OOSP1: variants seen among roughly 807,000 people sequenced by gnomAD.
The protein encoded by OOSP1 is oocyte secreted protein 1, also known as putative oocyte-secreted protein 1 homolog.
OOSP1 carries 11 observed loss-of-function variants against 5.7 expected under a neutral mutation model. The ratio of observed to expected loss-of-function variants is 1.94; its 90% confidence interval spans 1.22 to 3.20. The LOEUF (loss-of-function observed/expected upper bound fraction) is 3.20, where lower values mean the gene tolerates loss of function less well. Among genes scored for constraint, OOSP1 ranks in the 30% most tolerant of loss-of-function variants. The pLI, the probability that OOSP1 is intolerant of heterozygous loss-of-function variation, is 0.00. For synonymous variants in OOSP1, 44 were observed against 20.0 expected, an observed-to-expected ratio of 2.20 and a Z score of -3.20; for missense variants, 83 against 54.1, an observed-to-expected ratio of 1.53 and a Z score of -1.67.
At chr11:59,957,220 G>C (rs1464320067) in exon 5 of OOSP1, 1 of 397,698 alleles carries the variant, frequency 2.5e-6, no homozygotes, top group Non-Finnish European at 4.4e-6. Context: ...GTTATTTTTA[G>C]ATATCTGCTA....
chr11:59,957,311 A>C (rs572705500), exon 5 of OOSP1: 1 of 397,578 alleles, frequency 2.5e-6, no homozygotes, highest in South Asian at 1.3e-4. Flanking sequence ...GATCTTCATC[A>C]CACCCTGCAA....
chr11:59,952,808 T>C (rs995631190), intron 4 of OOSP1, among the ~76,000 whole-genome samples: 1 of 152,174 alleles, frequency 6.6e-6, no homozygotes, highest in African/African-American at 2.4e-5. Flanking sequence ...TTCCTGTTTC[T>C]TGTCAAATTT....
rs1408932069 is a variant in OOSP1 at position 59,947,785 on chromosome 11, G to A, written c.409G>A (p.Val137Ile). 6 of 398,902 alleles carry A rather than the reference G, an allele frequency of 1.5e-5. No individual in the cohort carries two copies. The East Asian group carries it at 2.1e-4, about 14-fold the overall frequency. 24.7% of individuals were successfully genotyped at this position (398,902 alleles called of 1,614,324 possible). A position where few individuals can be genotyped will look rare whatever the true frequency, so the allele number is the denominator to read the frequency against. ...AATGAGAGATGGGGAAACTGACAAT[G>A]TTAATGAATGGGAGATAGAGGTGAG... is the stretch of plus-strand genomic sequence containing the variant. The change falls in exon 4 of 5, where the codon GTT becomes ATT. Residue 137 changes from valine to isoleucine, a missense_variant. Coordinates refer to ENST00000646685, the Ensembl canonical transcript of OOSP1.
intron 1 of OOSP1, among the ~76,000 whole-genome samples, chr11:59,941,429 G>T (rs1263108625): frequency 6.6e-6 from 1 of 151,810 alleles, no homozygotes; most frequent in African/African-American, 2.4e-5. Context: ...GCCCAGGCTG[G>T]AGTGCAGTGG....
In OOSP1 at chr11:59,946,957, AT is replaced by A. The variant is rs1565232399; in HGVS notation, c.357-775del. 7.8e-4 allele frequency among the ~76,000 whole-genome samples: 114 copies of A among 145,940 alleles called. 2 individuals are homozygous for A. The highest frequency in any genetic ancestry group is 2.4e-3 in the African/African-American group (95 of 39,582). ...TATCTATCTATCTATCTATCTATCT[AT>A]CTATCTATCTGTCTATCTACTCTGT... is the stretch of plus-strand genomic sequence containing the variant. On this transcript the variant is annotated intron_variant, in intron 3 of 4. Transcript: ENST00000646685.
At chr11:59,954,121 C>G (rs565171221) in intron 4 of OOSP1, among the ~76,000 whole-genome samples, 9 of 152,184 alleles carry the variant, frequency 5.9e-5, no homozygotes, top group African/African-American at 2.2e-4. Flanking sequence ...ATCTGTGTAT[C>G]AAAACATATG....
intron 4 of OOSP1, among the ~76,000 whole-genome samples, chr11:59,953,059 T>C (rs1209834304): frequency 6.6e-6 from 1 of 152,180 alleles, no homozygotes; most frequent in Non-Finnish European, 1.5e-5. Context: ...TTTTTACATT[T>C]TTCTGTTTTC....
chr11:59,956,324 G>T (rs1328542674), intron 4 of OOSP1, among the ~76,000 whole-genome samples: 2 of 152,026 alleles, frequency 1.3e-5, no homozygotes, highest in African/African-American at 4.8e-5. Flanking sequence ...GGGAGTCATG[G>T]CTAAGTTAAT....
chr11:59,945,107 C>T (rs1853867443), intron 2 of OOSP1, 62 bp from the exon 3 acceptor site: 1 of 695,624 alleles, frequency 1.4e-6, no homozygotes, highest in Non-Finnish European at 2.6e-6. Context: ...TATTTAAATG[C>T]CTGTAAGTTT....
Position 59,938,496 on chromosome 11 carries a change from T to C in OOSP1, c.42T>C (p.His14=). 4.7e-6 allele frequency: 3 copies of C among 632,152 alleles called. No homozygotes were observed. The South Asian group carries it at 5.5e-5, about 12-fold the overall frequency. The allele number at this position is 632,152 out of a possible 1,614,324, so 39.2% of individuals were successfully genotyped here. A position where few individuals can be genotyped will look rare whatever the true frequency, so the allele number is the denominator to read the frequency against. Residue 14 remains histidine, a synonymous_variant, in exon 1 of 5, where the codon CAT becomes CAC. Coordinates refer to ENST00000646685, the Ensembl canonical transcript of OOSP1. ...GGTTCAAAGGGCTCTTTTATCTGCA[T>C]TCCTTGATATGGACCTGCGCTGGGG...
exon 2 of OOSP1, chr11:59,943,009 A>G (rs536067985): frequency 2.8e-6 from 2 of 702,882 alleles, no homozygotes; most frequent in African/African-American, 3.5e-5. Flanking sequence ...CATCCTCATG[A>G]CTGTGGTATT....
chr11:59,948,193 A>G (rs1425510346), intron 4 of OOSP1, among the ~76,000 whole-genome samples: 1 of 152,220 alleles, frequency 6.6e-6, no homozygotes, highest in Admixed American at 6.5e-5. Flanking sequence ...ATAAATGAGT[A>G]TTAACACTGA....
intron 4 of OOSP1, among the ~76,000 whole-genome samples, chr11:59,952,403 G>A (rs1008248525): frequency 4.9e-5 from 7 of 143,528 alleles, no homozygotes; most frequent in African/African-American, 1.5e-4. Context: ...TGACAAATGA[G>A]TGGTAAAAAA....
chr11:59,954,155 G>T (rs1443874076), intron 4 of OOSP1, among the ~76,000 whole-genome samples: 1 of 152,120 alleles, frequency 6.6e-6, no homozygotes, highest in East Asian at 1.9e-4. Context: ...GATAAACAGG[G>T]TACACGTGTA....
At chr11:59,952,488 C>T (rs1453426245) in intron 4 of OOSP1, among the ~76,000 whole-genome samples, 5 of 152,086 alleles carry the variant, frequency 3.3e-5, no homozygotes, top group Non-Finnish European at 7.4e-5. Context: ...TTTGCAGGAA[C>T]TTGGATGGAG....
chr11:59,945,552 T>C lies in OOSP1; in HGVS notation c.356+286T>C, dbSNP rs368767681. Among the ~76,000 whole-genome samples the C allele has an allele frequency of 5.9e-4, 88 of 150,148 alleles. 1 individual carries two copies. The highest frequency in any genetic ancestry group is 3.1e-3 in the Admixed American group (46 of 15,046). On this transcript the variant is annotated intron_variant, in intron 3 of 4. Coordinates refer to ENST00000646685, the Ensembl canonical transcript of OOSP1. The stretch of plus-strand genomic sequence containing the variant: ...GTCAGAAGATCGGGACCATCCTGGC[T>C]AACACGGTGAAACCCTGTCTCTACT...
intron 3 of OOSP1, among the ~76,000 whole-genome samples, chr11:59,945,750 CAAAAAAAAA>C (rs67604320): frequency 9.2e-4 from 42 of 45,848 alleles, no homozygotes; most frequent in Non-Finnish European, 1.0e-3. Context: ...GACTCTGTCT[CAAAAAAAAA>C]AAAAAAAAAA....
chr11:59,956,035 A>G (rs1039074904), intron 4 of OOSP1, among the ~76,000 whole-genome samples: 2 of 152,164 alleles, frequency 1.3e-5, no homozygotes, highest in African/African-American at 4.8e-5. Flanking sequence ...CACTCAAAGA[A>G]TGACATGTGA....
chr11:59,951,311 G>T (rs1853937264), intron 4 of OOSP1, among the ~76,000 whole-genome samples: 1 of 151,700 alleles, frequency 6.6e-6, no homozygotes, highest in African/African-American at 2.4e-5. Context: ...ACCTGAAAAA[G>T]AGACAGATCG....
Sources: allele counts gnomAD v4.1 joint callset (sites outside exome capture counted in the v4.1 genomes callset), GRCh38; gene constraint gnomAD v4.1.1; transcripts MANE v1.5; gene names NCBI Gene and HGNC (gene_info 2026-07-23, HGNC 2026-07-21).